MALRD1: variants seen among roughly 807,000 people sequenced by gnomAD.
MALRD1 encodes MAM and LDL-receptor class A domain-containing protein 1.
In MALRD1, 247 loss-of-function variants were observed where a neutral mutation model predicts 242.1. That is an observed-to-expected ratio of 1.02 (90% CI 0.92 to 1.13). The LOEUF is 1.13. Ranked by LOEUF, MALRD1 falls within the 50% of genes most tolerant of loss-of-function variation. The probability of loss-of-function intolerance (pLI) is 0.00; values close to 1 mark genes in which losing one functional copy is unlikely to be tolerated. For synonymous variants in MALRD1, 995 were observed against 866.6 expected (o/e 1.15, Z -2.60); for missense variants, 2,989 against 2,533.1 (o/e 1.18, Z -3.86).
chr10:19,493,016 A>G, intron 30 of MALRD1, among the ~76,000 whole-genome samples: 1 of 152,306 alleles, frequency 6.6e-6, no homozygotes, highest in East Asian at 1.9e-4. Context: ...ATAATAAAAA[A>G]TTTACCATTT....
chr10:19,204,854 T>G, intron 16 of MALRD1, 44 bp from the exon 17 acceptor site: 1 of 1,484,112 alleles, frequency 6.7e-7, no homozygotes, highest in Non-Finnish European at 9.0e-7. Context: ...ATATGTAGTC[T>G]ATTCTATAAA....
chr10:19,568,561 C>G (rs116281138), intron 33 of MALRD1, among the ~76,000 whole-genome samples: 3,140 of 152,064 alleles, frequency 0.021, 125 homozygotes, highest in African/African-American at 0.072. Context: ...GGAAGTCACT[C>G]CCATGGTTAA....
At chr10:19,713,413 G>A (rs1834234987) in intron 38 of MALRD1, among the ~76,000 whole-genome samples, 2 of 152,182 alleles carry the variant, frequency 1.3e-5, no homozygotes, top group Non-Finnish European at 2.9e-5. Flanking sequence ...CTCAAATAAT[G>A]TTTCCTAAGC....
At chr10:19,650,230 T>A in intron 36 of MALRD1, among the ~76,000 whole-genome samples, 1 of 152,160 alleles carries the variant, frequency 6.6e-6, no homozygotes, top group East Asian at 1.9e-4. Context: ...TCTGAAAAAG[T>A]CTACAGTGAT....
At chr10:19,676,266 C>T (rs901294215) in intron 36 of MALRD1, among the ~76,000 whole-genome samples, 8 of 152,164 alleles carry the variant, frequency 5.3e-5, no homozygotes, top group Non-Finnish European at 8.8e-5. Context: ...ACTTATACCA[C>T]GTGACATCAG....
intron 17 of MALRD1, 59 bp downstream of exon 17, chr10:19,205,324 A>C: frequency 6.8e-7 from 1 of 1,468,550 alleles, no homozygotes; most frequent in Non-Finnish European, 9.0e-7. Context: ...GACCTTGATG[A>C]ATTCACTTTT....
At chr10:19,066,464 A>T (rs2131242325) in intron 1 of MALRD1, among the ~76,000 whole-genome samples, 1 of 152,316 alleles carries the variant, frequency 6.6e-6, no homozygotes, top group South Asian at 2.1e-4. Context: ...CAAAATCAGG[A>T]TTAGGTCCTC....
At chr10:19,451,565 G>A (rs1371610852) in intron 29 of MALRD1, among the ~76,000 whole-genome samples, 2 of 152,172 alleles carry the variant, frequency 1.3e-5, no homozygotes, top group Non-Finnish European at 2.9e-5. Flanking sequence ...TATGCCTTCT[G>A]TGGTTTTCTA....
chr10:19,374,172 T>A (rs1251961704), intron 26 of MALRD1, among the ~76,000 whole-genome samples: 2 of 152,230 alleles, frequency 1.3e-5, no homozygotes, highest in Non-Finnish European at 2.9e-5. Flanking sequence ...TTACTGTTTT[T>A]TAAATGCCTT....
intron 14 of MALRD1, among the ~76,000 whole-genome samples, chr10:19,196,120 G>A (rs1299506136): frequency 2.0e-5 from 3 of 151,938 alleles, no homozygotes; most frequent in Non-Finnish European, 4.4e-5. Flanking sequence ...CTCTCTATTT[G>A]CCTGTTCAAC....
intron 11 of MALRD1, among the ~76,000 whole-genome samples, chr10:19,149,984 G>C (rs1833883069): frequency 6.6e-6 from 1 of 152,130 alleles, no homozygotes; most frequent in Admixed American, 6.6e-5. Flanking sequence ...AAGGACTTGA[G>C]ACTCATCCAT....
chr10:19,429,040 A>C (rs1834014795), intron 28 of MALRD1, among the ~76,000 whole-genome samples: 1 of 152,212 alleles, frequency 6.6e-6, no homozygotes. Context: ...TTACAAACTT[A>C]CTGGGCTATT....
intron 32 of MALRD1, among the ~76,000 whole-genome samples, chr10:19,552,846 C>T (rs1288191002): frequency 6.6e-6 from 1 of 152,078 alleles, no homozygotes; most frequent in Admixed American, 6.6e-5. Context: ...ATGATGCTTC[C>T]AGTCCACATG....
chr10:19,062,220 T>C (rs1834843646), intron 1 of MALRD1, among the ~76,000 whole-genome samples: 1 of 152,128 alleles, frequency 6.6e-6, no homozygotes, highest in East Asian at 1.9e-4. Context: ...CACAATGAGA[T>C]ACCACTTCAC....
At chr10:19,143,017 T>TA (rs1833604976) in intron 10 of MALRD1, among the ~76,000 whole-genome samples, 1 of 152,248 alleles carries the variant, frequency 6.6e-6, no homozygotes, top group African/African-American at 2.4e-5. Flanking sequence ...CCAAGGTTCT[T>TA]ACAGAGGTGG....
At chr10:19,611,704 T>C (rs1485497556) in intron 35 of MALRD1, among the ~76,000 whole-genome samples, 2 of 151,998 alleles carry the variant, frequency 1.3e-5, no homozygotes, top group African/African-American at 2.4e-5. Context: ...CATATCCGTC[T>C]CCTTCCCCAT....
At chr10:19,162,100 CTTTG>C (rs1487058607) in intron 12 of MALRD1, among the ~76,000 whole-genome samples, 4 of 152,216 alleles carry the variant, frequency 2.6e-5, no homozygotes, top group South Asian at 2.1e-4. Flanking sequence ...GAATTTTTCA[CTTTG>C]TTTAATTTTA....
chr10:19,596,773 G>A (rs79357001), intron 34 of MALRD1, among the ~76,000 whole-genome samples: 1 of 148,436 alleles, frequency 6.7e-6, no homozygotes, highest in Non-Finnish European at 1.5e-5. Flanking sequence ...GAAAGAAAGA[G>A]AGAAAGAGAG....
At chr10:19,150,955 G>A (rs564064535) in intron 11 of MALRD1, among the ~76,000 whole-genome samples, 2 of 152,230 alleles carry the variant, frequency 1.3e-5, no homozygotes, top group South Asian at 2.1e-4. Flanking sequence ...AACTAGGAGT[G>A]AGACTTCTAT....
Sources: gnomAD v4.1 joint callset for allele counts (sites outside exome capture counted in the v4.1 genomes callset) on GRCh38, gnomAD v4.1.1 for gene constraint, MANE v1.5 for transcripts, NCBI Gene and HGNC (gene_info 2026-07-23, HGNC 2026-07-21) for gene names.